NOL4L: variants seen among roughly 807,000 people sequenced by gnomAD.
NOL4L encodes nucleolar protein 4-like.
A neutral mutation model predicts 64.5 loss-of-function variants in NOL4L; 7 were observed. That is an observed-to-expected ratio of 0.11 (90% CI 0.06 to 0.20). The LOEUF (loss-of-function observed/expected upper bound fraction) is 0.20, where lower values mean the gene tolerates loss of function less well. Ranked by LOEUF, NOL4L falls within the 10% of genes least tolerant of loss-of-function variation. The probability of loss-of-function intolerance (pLI) is 1.00; values close to 1 mark genes in which losing one functional copy is unlikely to be tolerated. For missense variants in NOL4L, 680 were observed against 967.1 expected, an observed-to-expected ratio of 0.70 and a Z score of 3.94; for synonymous variants, 413 against 401.0, an observed-to-expected ratio of 1.03 and a Z score of -0.36.
chr20:32,495,135 G>A (rs1249280803), intron 4 of NOL4L, among the ~76,000 whole-genome samples: 2 of 152,258 alleles, frequency 1.3e-5, no homozygotes, highest in Admixed American at 1.3e-4. Context: ...CTCACTTGTG[G>A]ACTCTGAAGG....
chr20:32,508,235 G>A (rs1391644513), intron 4 of NOL4L, among the ~76,000 whole-genome samples: 1 of 152,200 alleles, frequency 6.6e-6, no homozygotes, highest in Non-Finnish European at 1.5e-5. Flanking sequence ...GCTGTGTTTG[G>A]ATGGTGGGGA....
intron 4 of NOL4L, among the ~76,000 whole-genome samples, chr20:32,482,145 A>C (rs1156451464): frequency 2.6e-5 from 4 of 152,226 alleles, no homozygotes; most frequent in Non-Finnish European, 5.9e-5. Flanking sequence ...GACAGAAAGG[A>C]AAATCAATGT....
chr20:32,459,298 C>T (rs902884535), intron 5 of NOL4L, among the ~76,000 whole-genome samples: 4 of 149,804 alleles, frequency 2.7e-5, no homozygotes, highest in African/African-American at 9.9e-5. Context: ...TAGAGTACAG[C>T]GGTGCCATTA....
intron 1 of NOL4L, chr20:32,573,676 C>A: frequency 4.7e-6 from 1 of 210,922 alleles, no homozygotes; most frequent in Non-Finnish European, 9.8e-6. Context: ...TTACCCAAGA[C>A]TGCACAGCAG....
At chr20:32,565,135 G>C (rs985666789) in intron 1 of NOL4L, 1 of 152,376 alleles carries the variant, frequency 6.6e-6, no homozygotes, top group African/African-American at 2.4e-5. Flanking sequence ...AAGCTGACAG[G>C]GGCGTGCATC....
chr20:32,482,872 C>G (rs1406160249), intron 4 of NOL4L, among the ~76,000 whole-genome samples: 4 of 148,064 alleles, frequency 2.7e-5, no homozygotes, highest in Non-Finnish European at 6.0e-5. Flanking sequence ...CGCGGCAACC[C>G]GAGCCCGGCC....
At chr20:32,485,171 CTT>C (rs772907916) in intron 4 of NOL4L, among the ~76,000 whole-genome samples, 7 of 150,410 alleles carry the variant, frequency 4.7e-5, no homozygotes, top group Non-Finnish European at 8.8e-5. Flanking sequence ...TCTACTGACT[CTT>C]TACGCTACCA....
Position 32,456,358 on chromosome 20 carries a change from G to A in NOL4L, c.879C>T (p.Ser293=). Residue 293 remains serine (S), a synonymous_variant, in exon 6 of 11, where the codon TCC becomes TCT. Transcript: ENST00000621426. ...TCGACGTGGATGGGTTCAGGGTGGA[G>A]GAGCCATTGCCGCTGCCACTCTCAG... is the stretch of plus-strand genomic sequence containing the variant. ...SSSESGSGNG[S]STLNPSTSSS... 2 of 1,478,938 alleles carry A rather than the reference G, an allele frequency of 1.4e-6. No homozygotes were observed. Among genetic ancestry groups the A allele is most frequent in the Non-Finnish European group, 1.8e-6 (2 of 1,110,844 alleles). 91.6% of individuals were successfully genotyped at this position (1,478,938 alleles called of 1,614,324 possible).
intron 1 of NOL4L, among the ~76,000 whole-genome samples, chr20:32,551,361 G>A (rs912752410): frequency 4.7e-5 from 7 of 147,930 alleles, no homozygotes; most frequent in Admixed American, 6.8e-5. Flanking sequence ...GGACGACAGC[G>A]TGAGACTCGG....
chr20:32,488,817 CTTTCTTTCTTTT>C (rs2016281030), intron 4 of NOL4L, among the ~76,000 whole-genome samples: 14 of 23,950 alleles, frequency 5.8e-4, no homozygotes, highest in South Asian at 1.5e-3. Context: ...TTCTTTCTTT[CTTTCTTTCTTTT>C]TCTTTCTTTC....
intron 4 of NOL4L, among the ~76,000 whole-genome samples, chr20:32,484,175 A>T (rs2145501553): frequency 6.6e-6 from 1 of 152,132 alleles, no homozygotes; most frequent in African/African-American, 2.4e-5. Context: ...TTCGACCCCC[A>T]TGCGTCTTTC....
In NOL4L at chr20:32,541,008, T is replaced by TACACACACACACACAC. The variant is rs10675320; in HGVS notation, c.322-13111_322-13096dup. Among the ~76,000 whole-genome samples the TACACACACACACACAC allele has an allele frequency of 9.7e-3, 1,299 of 133,554 alleles. 25 individuals carry two copies. The highest frequency in any genetic ancestry group is 0.034 in the East Asian group (137 of 4,072). The allele number at this position is 133,554 out of a possible 152,430, so 87.6% of individuals were successfully genotyped here. ...TGCTCCAGCCTGCCTCGCCACCCCCTACACACACACACACACACACACACA... is the reference window on the plus strand; with the variant it reads ...TGCTCCAGCCTGCCTCGCCACCCCCTACACACACACACACACACACACACACACACACACACACACA... On this transcript the variant is annotated intron_variant, in intron 1 of 10. Transcript: ENST00000621426.
At chr20:32,488,784 T>C (rs1486138833) in intron 4 of NOL4L, among the ~76,000 whole-genome samples, 2 of 45,876 alleles carry the variant, frequency 4.4e-5, no homozygotes, top group Non-Finnish European at 6.8e-5. Context: ...CCTTCCTTCC[T>C]TCCTTCCTTT....
rs201527759 is a variant in NOL4L at position 32,551,845 on chromosome 20, G to C, written c.322-23932C>G. The stretch of plus-strand genomic sequence containing the variant: ...ACTCTGTTTCCCAGGCTGGAATGCA[G>C]TGGTGTAATCATAACTCCCTGCAGC... On this transcript the variant is annotated intron_variant, in intron 1 of 10. Coordinates refer to ENST00000621426, the MANE Select transcript of NOL4L (RefSeq NM_001256798.2). Among the ~76,000 whole-genome samples, 3 of 152,252 alleles carry C rather than the reference G, an allele frequency of 2.0e-5. No individual in the cohort carries two copies. In the East Asian group the frequency reaches 5.8e-4, roughly 29 times the overall value.
chr20:32,579,860 CA>C (rs987372094), intron 1 of NOL4L, among the ~76,000 whole-genome samples: 4 of 152,040 alleles, frequency 2.6e-5, no homozygotes, highest in African/African-American at 9.7e-5. Flanking sequence ...AACCTTCTTC[CA>C]AAAGCCCCCC....
chr20:32,496,725 T>C (rs1034091670), intron 4 of NOL4L, among the ~76,000 whole-genome samples: 1 of 152,080 alleles, frequency 6.6e-6, no homozygotes, highest in Admixed American at 6.6e-5. Context: ...TAATTTTTTG[T>C]ATTTTTAGTA....
rs2012238262 is a variant in NOL4L at position 32,444,185 on chromosome 20, T to C, written c.*3411A>G. The C allele has an allele frequency of 6.6e-6, 1 of 152,164 alleles. No individual in the cohort carries two copies. Among genetic ancestry groups the C allele is most frequent in the African/African-American group, 2.4e-5 (1 of 41,424 alleles). 9.4% of individuals were successfully genotyped at this position (152,164 alleles called of 1,614,324 possible). ...AGGAGCAAAAATACAAAGGTTCACA[T>C]TGGTCTTAGGTAGATACAGGCGAAA... On this transcript the variant is annotated 3_prime_UTR_variant, in exon 11 of 11. Coordinates refer to ENST00000621426, the MANE Select transcript of NOL4L (RefSeq NM_001256798.2).
intron 1 of NOL4L, among the ~76,000 whole-genome samples, chr20:32,576,112 C>A (rs6119267): frequency 2.0e-5 from 3 of 152,028 alleles, no homozygotes; most frequent in African/African-American, 4.8e-5. Flanking sequence ...CTGGGAAGGC[C>A]TTGGCTCTTG....
intron 4 of NOL4L, chr20:32,474,978 G>C: frequency 2.0e-6 from 2 of 985,042 alleles, no homozygotes; most frequent in Non-Finnish European, 2.4e-6. Flanking sequence ...TGTAATTGAA[G>C]ACAATTATGA....
Sources: allele counts gnomAD v4.1 joint callset (sites outside exome capture counted in the v4.1 genomes callset), GRCh38; gene constraint gnomAD v4.1.1; transcripts MANE v1.5; gene names NCBI Gene and HGNC (gene_info 2026-07-23, HGNC 2026-07-21).